Variants in MECOM observed in about 807,000 individuals in gnomAD.
MECOM encodes MDS1 and EVI1 complex locus, also known as histone-lysine N-methyltransferase MECOM.
Under a neutral mutation model 116.3 loss-of-function variants are expected in MECOM, and 13 were observed. That is an observed-to-expected ratio of 0.11 (90% confidence interval 0.07 to 0.18). The LOEUF (loss-of-function observed/expected upper bound fraction) is 0.18, where lower values mean the gene tolerates loss of function less well. Among genes scored for constraint, MECOM ranks in the 10% least tolerant of loss-of-function variants. MECOM has a pLI of 1.00. For synonymous variants in MECOM, 528 were observed against 535.2 expected, an observed-to-expected ratio of 0.99 and a Z score of 0.19; for missense variants, 1,299 against 1,509.0, an observed-to-expected ratio of 0.86 and a Z score of 2.31.
At chr3:169,286,218 T>A (rs1713283317) in intron 2 of MECOM, among the ~76,000 whole-genome samples, 2 of 152,188 alleles carry the variant, frequency 1.3e-5, no homozygotes. Context: ...AACGTATTTC[T>A]TGAACTAAGT....
Position 169,570,598 on chromosome 3 carries a change from C to T in MECOM, c.37+92738G>A, listed in dbSNP as rs533348320. ...CAATGTGAAAATCCTCAGTAAAATA[C>T]TGGCAAACTGAATCCAGCAGTACAT... On this transcript the variant is annotated intron_variant, in intron 1 of 16. Transcript: ENST00000651503. Among the ~76,000 whole-genome samples, 133 of 152,276 alleles carry T rather than the reference C, an allele frequency of 8.7e-4. 1 individual carries two copies. The highest frequency in any genetic ancestry group is 3.2e-3 in the African/African-American group (131 of 41,550).
intron 1 of MECOM, among the ~76,000 whole-genome samples, chr3:169,489,330 TAGAG>T (rs944015163): frequency 1.3e-5 from 2 of 152,168 alleles, no homozygotes; most frequent in African/African-American, 4.8e-5. Flanking sequence ...AGAGAACATA[TAGAG>T]AAAGTGACAA....
intron 1 of MECOM, among the ~76,000 whole-genome samples, chr3:169,651,196 A>T (rs1344041103): frequency 2.0e-5 from 3 of 152,156 alleles, no homozygotes. Flanking sequence ...CTTAAATGCC[A>T]ATTTTGCTGA....
chr3:169,353,674 TA>T (rs1207595018), intron 2 of MECOM, among the ~76,000 whole-genome samples: 1 of 151,886 alleles, frequency 6.6e-6, no homozygotes, highest in Non-Finnish European at 1.5e-5. Context: ...AAAATTAAAA[TA>T]AAATACTATC....
chr3:169,659,072 C>CAAAAA (rs199570807), intron 1 of MECOM, among the ~76,000 whole-genome samples: 1 of 83,534 alleles, frequency 1.2e-5, no homozygotes. Context: ...CCTTCAACTC[C>CAAAAA]AAAAAAAAAA....
intron 2 of MECOM, among the ~76,000 whole-genome samples, chr3:169,364,811 A>G (rs2149831733): frequency 6.6e-6 from 1 of 152,098 alleles, no homozygotes; most frequent in South Asian, 2.1e-4. Context: ...ACTTACATTT[A>G]CCAAATCAAT....
chr3:169,319,798 G>T (rs1720533710), intron 2 of MECOM, among the ~76,000 whole-genome samples: 1 of 152,218 alleles, frequency 6.6e-6, no homozygotes, highest in Non-Finnish European at 1.5e-5. Flanking sequence ...GTTGTTGTGT[G>T]AACTAAATGA....
At chr3:169,452,366 G>A (rs1193200091) in intron 1 of MECOM, among the ~76,000 whole-genome samples, 5 of 152,016 alleles carry the variant, frequency 3.3e-5, no homozygotes, top group Non-Finnish European at 5.9e-5. Context: ...TTAACATATG[G>A]GAAATCCATT....
At chr3:169,088,624 C>T (rs546663192) in intron 16 of MECOM, among the ~76,000 whole-genome samples, 2 of 152,170 alleles carry the variant, frequency 1.3e-5, no homozygotes, top group South Asian at 2.1e-4. Context: ...TCAGAAAAAT[C>T]TTAAAATATA....
At chr3:169,100,562 A>T (rs751008409) in intron 12 of MECOM, among the ~76,000 whole-genome samples, 3 of 152,152 alleles carry the variant, frequency 2.0e-5, no homozygotes, top group African/African-American at 4.8e-5. Context: ...CATCCTAATT[A>T]TTGAGAAAAG....
chr3:169,116,856 A>G, intron 7 of MECOM, 117 bp from the exon 8 acceptor site: 1 of 1,327,048 alleles, frequency 7.5e-7, no homozygotes, highest in East Asian at 2.5e-5. Flanking sequence ...AAGACATTGG[A>G]GGCACCAATC....
chr3:169,120,845 C>A, intron 7 of MECOM: 1 of 411,218 alleles, frequency 2.4e-6, no homozygotes, highest in Non-Finnish European at 4.1e-6. Flanking sequence ...TTGATTTCTT[C>A]TGAAAGAAAA....
chr3:169,606,073 T>C (rs1768507750), intron 1 of MECOM, among the ~76,000 whole-genome samples: 2 of 152,176 alleles, frequency 1.3e-5, no homozygotes, highest in African/African-American at 2.4e-5. Context: ...AGATGCCTTA[T>C]GGTTAATATT....
chr3:169,426,449 G>A (rs773596431), intron 1 of MECOM, among the ~76,000 whole-genome samples: 12 of 152,182 alleles, frequency 7.9e-5, no homozygotes, highest in Admixed American at 5.2e-4. Context: ...GCTCAGGCAT[G>A]TCACCAGGAG....
chr3:169,185,833 G>C (rs928431966), intron 2 of MECOM, among the ~76,000 whole-genome samples: 1 of 152,124 alleles, frequency 6.6e-6, no homozygotes, highest in Non-Finnish European at 1.5e-5. Flanking sequence ...TAATTCAACC[G>C]AGTCTTTTCT....
chr3:169,147,309 C>T, intron 2 of MECOM: 1 of 985,566 alleles, frequency 1.0e-6, no homozygotes, highest in Non-Finnish European at 1.2e-6. Context: ...AGCGCCTTCG[C>T]GGGTCCTGGA....
At chr3:169,615,408 G>A (rs1769877301) in intron 1 of MECOM, among the ~76,000 whole-genome samples, 1 of 152,184 alleles carries the variant, frequency 6.6e-6, no homozygotes, top group South Asian at 2.1e-4. Context: ...ATTTCTACTA[G>A]CATTTTTAAC....
chr3:169,274,523 G>C (rs899192352), intron 2 of MECOM, among the ~76,000 whole-genome samples: 3 of 151,984 alleles, frequency 2.0e-5, no homozygotes, highest in African/African-American at 7.2e-5. Context: ...TGGAGAATAG[G>C]GTTTGAATTC....
intron 10 of MECOM, among the ~76,000 whole-genome samples, chr3:169,104,659 C>G (rs1193626925): frequency 6.6e-6 from 1 of 152,174 alleles, no homozygotes; most frequent in African/African-American, 2.4e-5. Flanking sequence ...AACAAAACAT[C>G]TCATAGAAAC....
Sources: allele counts gnomAD v4.1 joint callset (sites outside exome capture counted in the v4.1 genomes callset), GRCh38; gene constraint gnomAD v4.1.1; transcripts MANE v1.5; gene names NCBI Gene and HGNC (gene_info 2026-07-23, HGNC 2026-07-21).